THRA: variants seen among roughly 807,000 people sequenced by gnomAD.
THRA encodes EAR-7.
In THRA, 13 loss-of-function variants were observed where a neutral mutation model predicts 45.0. That is an observed-to-expected ratio of 0.29 (90% CI 0.19 to 0.46). The LOEUF (loss-of-function observed/expected upper bound fraction) is 0.46. THRA is among the 20% of genes least tolerant of loss of function. The pLI is 1.00. For missense variants in THRA, 278 were observed against 556.1 expected (o/e 0.50, Z 5.03); for synonymous variants, 195 against 214.0 (o/e 0.91, Z 0.78).
intron 1 of THRA, among the ~76,000 whole-genome samples, chr17:40,073,160 G>C (rs1290931156): frequency 3.9e-5 from 6 of 152,200 alleles, no homozygotes; most frequent in African/African-American, 1.4e-4. Flanking sequence ...CCACGTGACA[G>C]AGGTTGAGGT....
chr17:40,087,265 G>GCACACAGC (rs2145082526), intron 7 of THRA, among the ~76,000 whole-genome samples: 1 of 123,304 alleles, frequency 8.1e-6, no homozygotes, highest in East Asian at 2.4e-4. Context: ...CACACACCTA[G>GCACACAGC]CACACAGCCA....
rs555111691 is a variant in THRA at position 40,089,690 on chromosome 17, G to A, written c.*234G>A. On this transcript the variant is annotated 3_prime_UTR_variant, in exon 9 of 9. Coordinates refer to ENST00000450525, the MANE Select transcript of THRA (RefSeq NM_199334.5). The surrounding 1 kb of genome is among the most constrained non-coding windows in gnomAD (Gnocchi z 6.1). ...TGGAAAGGACAGTGTGGGAGGCTGG[G>A]GGAGCTGTGTCCTGCAGTTCCCAGG... 2.9e-6 allele frequency: 4 copies of A among 1,385,736 alleles called. No homozygotes were observed. Among genetic ancestry groups the A allele is most frequent in the Non-Finnish European group, 3.7e-6 (4 of 1,068,160 alleles). The allele number at this position is 1,385,736 out of a possible 1,614,324, so 85.8% of individuals were successfully genotyped here.
chr17:40,080,588 C>T (rs188154324), intron 4 of THRA, among the ~76,000 whole-genome samples: 49 of 152,206 alleles, frequency 3.2e-4, no homozygotes, highest in African/African-American at 1.2e-3. Flanking sequence ...TTTACTCTCA[C>T]GGACATCTGA....
At chr17:40,077,754 G>A (rs1598392791) in intron 4 of THRA, 146 bp downstream of exon 4, 1 of 636,318 alleles carries the variant, frequency 1.6e-6, no homozygotes, top group Non-Finnish European at 2.7e-6. Flanking sequence ...CTGGAGTGCA[G>A]TGGCGCGATC....
In THRA at chr17:40,089,478, G is replaced by T; in HGVS notation, c.*22G>T. ...CTAAAGCCTCAGGCGGCCAGAGGGT[G>T]TGCGGAGCTGGTGGGGAGGAGCCTG... On this transcript the variant is annotated 3_prime_UTR_variant, in exon 9 of 9. Coordinates refer to ENST00000450525, the MANE Select transcript of THRA (RefSeq NM_199334.5). This position sits in a 1 kb window ranked among gnomAD's most constrained non-coding sequence, Gnocchi z 6.1. 3 of 1,611,836 alleles carry T rather than the reference G, an allele frequency of 1.9e-6. No individual in the cohort carries two copies. The highest frequency in any genetic ancestry group is 2.2e-5 in the South Asian group (2 of 90,862).
intron 1 of THRA, among the ~76,000 whole-genome samples, chr17:40,073,968 C>T (rs1356369701): frequency 6.6e-6 from 1 of 152,056 alleles, no homozygotes; most frequent in Non-Finnish European, 1.5e-5. Context: ...TCATTCTCTC[C>T]CTCCATTCCT....
chr17:40,071,754 T>C (rs1598389790), intron 1 of THRA, among the ~76,000 whole-genome samples: 3 of 152,172 alleles, frequency 2.0e-5, no homozygotes, highest in Admixed American at 6.5e-5. Context: ...CCCGCTGACC[T>C]TTTTCTGTCC....
chr17:40,085,762 G>C (rs1255636614), intron 6 of THRA, among the ~76,000 whole-genome samples: 1 of 152,010 alleles, frequency 6.6e-6, no homozygotes, highest in Admixed American at 6.6e-5. Context: ...TCCTGCCTCA[G>C]CTTCCCAAAT....
chr17:40,088,219 C>T lies in THRA; in HGVS notation c.724-23C>T, dbSNP rs543423598. The T allele has an allele frequency of 2.3e-5, 36 of 1,567,480 alleles. No homozygotes were observed. In the Admixed American group the frequency reaches 2.6e-4, roughly 11 times the overall value. Reference sequence around the variant, plus strand: ...CGCGGGGAGGGGTATGCTGAGTGCTCCTGTGGCCCTGCCGCTCCACAGCTG... The same window carrying T: ...CGCGGGGAGGGGTATGCTGAGTGCTTCTGTGGCCCTGCCGCTCCACAGCTG... On this transcript the variant is annotated intron_variant, in intron 7 of 8. Transcript: ENST00000450525.
intron 1 of THRA, among the ~76,000 whole-genome samples, chr17:40,069,851 CTG>C (rs2079564312): frequency 6.6e-6 from 1 of 151,994 alleles, no homozygotes; most frequent in South Asian, 2.1e-4. Flanking sequence ...CTGGCTGGAG[CTG>C]GCCCGGGCAG....
chr17:40,073,830 A>G (rs1401529023), intron 1 of THRA, among the ~76,000 whole-genome samples: 1 of 152,118 alleles, frequency 6.6e-6, no homozygotes, highest in Non-Finnish European at 1.5e-5. Flanking sequence ...CCTATAATAC[A>G]GATGAGTTTC....
At chr17:40,072,848 C>T (rs1362898947) in intron 1 of THRA, among the ~76,000 whole-genome samples, 1 of 152,134 alleles carries the variant, frequency 6.6e-6, no homozygotes, top group Non-Finnish European at 1.5e-5. Flanking sequence ...AAAAACTTGA[C>T]CTACTTTCTT....
chr17:40,074,017 G>A (rs976261048), intron 1 of THRA, among the ~76,000 whole-genome samples, 175 bp from the exon 2 acceptor site: 1 of 151,902 alleles, frequency 6.6e-6, no homozygotes, highest in Non-Finnish European at 1.5e-5. Context: ...CTCCAATCTC[G>A]CCTGCTGTAC....
chr17:40,093,460 G>T, downstream of THRA: 1 of 1,502,870 alleles, frequency 6.7e-7, no homozygotes, highest in Middle Eastern at 2.4e-4. This position sits in a 1 kb window ranked among gnomAD's most constrained non-coding sequence, Gnocchi z 5.9. Context: ...AGCAGGAGGT[G>T]CCTGAAAGCT....
intron 1 of THRA, among the ~76,000 whole-genome samples, chr17:40,070,766 A>G (rs1010663200): frequency 6.6e-6 from 1 of 151,610 alleles, no homozygotes; most frequent in African/African-American, 2.4e-5. Context: ...AATAGCCCAC[A>G]TGCCAGGCCA....
In THRA at chr17:40,074,477, G is replaced by A; in HGVS notation, c.-12G>A. The A allele has an allele frequency of 6.2e-7, 1 of 1,614,078 alleles. No homozygotes were observed. On this transcript the variant is annotated 5_prime_UTR_variant, in exon 2 of 9. Transcript: ENST00000450525. ...GGCGTGCTGGAGGGCATCCTGGATG[G>A]AATTGAAGTGAATGGAACAGAAGCC...
At chr17:40,070,843 G>A (rs973824599) in intron 1 of THRA, among the ~76,000 whole-genome samples, 4 of 151,086 alleles carry the variant, frequency 2.6e-5, no homozygotes, top group African/African-American at 9.7e-5. Context: ...CATGGGGTGG[G>A]ACTTAGACAG....
intron 1 of THRA, among the ~76,000 whole-genome samples, chr17:40,063,542 T>A (rs1290696040): frequency 2.0e-5 from 3 of 151,446 alleles, no homozygotes; most frequent in African/African-American, 7.3e-5. Context: ...TGCCTCCAGC[T>A]GCGGAGGGCA....
chr17:40,093,194 C>T (rs748189737), downstream of THRA: 33 of 1,613,710 alleles, frequency 2.0e-5, no homozygotes, highest in Non-Finnish European at 6.8e-6. This position sits in a 1 kb window ranked among gnomAD's most constrained non-coding sequence, Gnocchi z 5.9. Flanking sequence ...TCTCCAAGGG[C>T]CGGTTCTTCA....
Sources: allele counts gnomAD v4.1 joint callset (sites outside exome capture counted in the v4.1 genomes callset), GRCh38; gene constraint gnomAD v4.1.1; non-coding constraint Gnocchi (gnomAD v3.1); transcripts MANE v1.5; gene names NCBI Gene and HGNC (gene_info 2026-07-23, HGNC 2026-07-21).